Variants in TDRD9 observed in about 807,000 individuals in gnomAD.
TDRD9 encodes the protein ATP-dependent RNA helicase TDRD9.
TDRD9 carries 124 observed loss-of-function variants against 172.6 expected under a neutral mutation model. That is an observed-to-expected ratio of 0.72 (90% CI 0.62 to 0.83). The LOEUF is 0.83. Ranked by LOEUF, TDRD9 falls within the 40% of genes least tolerant of loss-of-function variation. TDRD9 has a pLI of 0.00. For missense variants in TDRD9, 1,479 were observed against 1,714.1 expected (o/e 0.86, Z 2.42); for synonymous variants, 619 against 617.1 (o/e 1.00, Z -0.05).
intron 2 of TDRD9, among the ~76,000 whole-genome samples, chr14:103,956,134 AT>A (rs2032221117): frequency 9.3e-6 from 1 of 107,976 alleles, no homozygotes. Context: ...ATATATATAT[AT>A]ATATATATAT....
chr14:104,051,980 G>A lies in TDRD9; in HGVS notation c.4048-1G>A. ...ACTGGTCCGCTTGTCTACCCCATTAGGTTGATCCAAAGCTGGTCATGGAGC... is the reference window on the plus strand; with the variant it reads ...ACTGGTCCGCTTGTCTACCCCATTAAGTTGATCCAAAGCTGGTCATGGAGC... On this transcript the variant is annotated splice_acceptor_variant, in intron 35 of 35. Transcript: ENST00000409874. LOFTEE classifies it high-confidence loss of function. 4.4e-6 allele frequency: 7 copies of A among 1,587,374 alleles called. No homozygotes were observed. Among genetic ancestry groups the A allele is most frequent in the Non-Finnish European group, 6.0e-6 (7 of 1,166,364 alleles).
chr14:103,966,966 T>A, intron 5 of TDRD9, 135 bp downstream of exon 5: 1 of 798,780 alleles, frequency 1.3e-6, no homozygotes. Flanking sequence ...TGGACTTTTC[T>A]CAGTAAGGAT....
intron 34 of TDRD9, among the ~76,000 whole-genome samples, chr14:104,042,869 C>T (rs1029103691): frequency 6.6e-6 from 1 of 152,136 alleles, no homozygotes; most frequent in Non-Finnish European, 1.5e-5. Flanking sequence ...TCTGGTATCA[C>T]GGTGACACTT....
At chr14:104,039,384 CGTGA>C (rs1209005784) in intron 32 of TDRD9, among the ~76,000 whole-genome samples, 1 of 152,190 alleles carries the variant, frequency 6.6e-6, no homozygotes, top group African/African-American at 2.4e-5. Flanking sequence ...AGCCACACAG[CGTGA>C]GTTTTACTGT....
chr14:104,027,165 ATTTG>A (rs2035149656), intron 28 of TDRD9, among the ~76,000 whole-genome samples: 2 of 152,036 alleles, frequency 1.3e-5, no homozygotes, highest in East Asian at 1.9e-4. Flanking sequence ...TGAGTATTGT[ATTTG>A]TTTGTCTCCT....
intron 6 of TDRD9, among the ~76,000 whole-genome samples, chr14:103,973,272 A>C (rs1457346137): frequency 6.6e-6 from 1 of 151,626 alleles, no homozygotes; most frequent in African/African-American, 2.4e-5. Flanking sequence ...TTTTTAAAAA[A>C]CTCTCAAAAA....
chr14:104,004,120 G>T, intron 13 of TDRD9, 118 bp from the exon 14 acceptor site: 1 of 497,858 alleles, frequency 2.0e-6, no homozygotes, highest in Non-Finnish European at 3.7e-6. Context: ...GACATAGTCT[G>T]GTGGAAGATA....
intron 1 of TDRD9, among the ~76,000 whole-genome samples, chr14:103,944,482 T>G (rs59838226): frequency 0.022 from 3,354 of 152,214 alleles, 140 homozygotes; most frequent in Admixed American, 0.12. Context: ...TCTTTTCCTT[T>G]GAACTCTGAT....
chr14:103,964,949 G>C (rs919566760), intron 3 of TDRD9, among the ~76,000 whole-genome samples: 2 of 152,030 alleles, frequency 1.3e-5, no homozygotes, highest in East Asian at 3.9e-4. Flanking sequence ...GGAAATTGCT[G>C]GTAATCCCAG....
intron 4 of TDRD9, 76 bp from the exon 5 acceptor site, chr14:103,966,632 AC>A (rs1202168266): frequency 1.4e-5 from 18 of 1,313,262 alleles, no homozygotes; most frequent in Non-Finnish European, 1.5e-5. Flanking sequence ...TCCCTTTCTT[AC>A]CCCCATTATA....
chr14:103,953,982 G>T (rs568447142), intron 1 of TDRD9, among the ~76,000 whole-genome samples: 3 of 152,174 alleles, frequency 2.0e-5, no homozygotes, highest in African/African-American at 4.8e-5. Context: ...GCATCCCTTG[G>T]CCCAGTCAAG....
intron 5 of TDRD9, among the ~76,000 whole-genome samples, chr14:103,967,549 A>G (rs1332176150): frequency 6.6e-6 from 1 of 152,010 alleles, no homozygotes; most frequent in Non-Finnish European, 1.5e-5. Flanking sequence ...AACCAAAAGG[A>G]TAAACCCATT....
At chr14:104,032,505 G>A (rs1329455667) in intron 30 of TDRD9, among the ~76,000 whole-genome samples, 4 of 152,198 alleles carry the variant, frequency 2.6e-5, no homozygotes, top group Admixed American at 1.3e-4. Context: ...ATGCCCGGCC[G>A]GAATGTTATC....
At chr14:103,971,225 C>T (rs568313706) in intron 6 of TDRD9, among the ~76,000 whole-genome samples, 5 of 151,672 alleles carry the variant, frequency 3.3e-5, no homozygotes, top group African/African-American at 7.3e-5. Flanking sequence ...CCTCGTGATC[C>T]GCCCGCCTTG....
intron 4 of TDRD9, among the ~76,000 whole-genome samples, 170 bp from the exon 5 acceptor site, chr14:103,966,539 C>T (rs1166789890): frequency 6.6e-6 from 1 of 151,712 alleles, no homozygotes; most frequent in Non-Finnish European, 1.5e-5. Flanking sequence ...GCCCTCCCCC[C>T]AAAAAAGAAG....
rs1460235192 is a variant in TDRD9, at chr14:104,040,201, A to G, written c.3722A>G (p.Asp1241Gly). The G allele has an allele frequency of 1.3e-6, 2 of 1,528,870 alleles. No homozygotes were observed. The highest frequency in any genetic ancestry group is 1.3e-5 in the South Asian group (1 of 79,996). 94.7% of individuals were successfully genotyped at this position (1,528,870 alleles called of 1,614,324 possible). The change falls in exon 33 of 36, where the codon GAT (aspartate) becomes GGT (glycine). Residue 1241 changes from aspartate (D) to glycine (G), a missense_variant. Asp to Gly is a moderately conservative substitution (Grantham distance 94, BLOSUM62 -1). Coordinates refer to ENST00000409874, the MANE Select transcript of TDRD9 (RefSeq NM_153046.3). ...LFAPVIELRI[D>G]QNGKYYTGVL... ...TCTGAAAACATTCCATTTAGGATTG[A>G]TCAGAATGGCAAGTACTATACTGGA...
At position 104,002,317 on chromosome 14, in the gene TDRD9, CAA is replaced by C. The variant is rs200021451; in HGVS notation, c.1484-1902_1484-1901del. ...TGGGTGACAGAGTGAGATGCTGTTT[CAA>C]AAAAAAAAAAAAAAAAAAGAAAAAA... On this transcript the variant is annotated intron_variant, in intron 13 of 35. Coordinates refer to ENST00000409874, the MANE Select transcript of TDRD9 (RefSeq NM_153046.3). Among the ~76,000 whole-genome samples the C allele has an allele frequency of 6.8e-3, 873 of 128,678 alleles. 7 individuals carry two copies. Among genetic ancestry groups the C allele is most frequent in the African/African-American group, 0.023 (821 of 34,960 alleles). 84.4% of individuals were successfully genotyped at this position (128,678 alleles called of 152,430 possible).
rs114198381 is a variant in TDRD9 at position 104,035,448 on chromosome 14, G to A, written c.3716+392G>A. ...GAACCCGTCAGTCCCCCTTCTTGTG[G>A]TAACCATGACATCAGAAGGCAGATT... On this transcript the variant is annotated intron_variant, in intron 32 of 35. Transcript: ENST00000409874. Among the ~76,000 whole-genome samples, 217 of 152,284 alleles carry A rather than the reference G, an allele frequency of 1.4e-3. 1 individual carries two copies. Among genetic ancestry groups the A allele is most frequent in the African/African-American group, 5.0e-3 (208 of 41,566 alleles).
intron 1 of TDRD9, among the ~76,000 whole-genome samples, chr14:103,943,231 A>C (rs2031347892): frequency 6.6e-6 from 1 of 151,962 alleles, no homozygotes; most frequent in Admixed American, 6.6e-5. Flanking sequence ...CCTGGGCTCA[A>C]GTGATCCTCC....
Sources: gnomAD v4.1 joint callset for allele counts (sites outside exome capture counted in the v4.1 genomes callset) on GRCh38, gnomAD v4.1.1 for gene constraint, MANE v1.5 for transcripts, NCBI Gene and HGNC (gene_info 2026-07-23, HGNC 2026-07-21) for gene names.